Variants in SYT1 observed in about 807,000 individuals in gnomAD.
The protein encoded by SYT1 is synaptotagmin 1.
In SYT1, 8 loss-of-function variants were observed where a neutral mutation model predicts 44.8. That is an observed-to-expected ratio of 0.18 (90% CI 0.10 to 0.32). SYT1 has a LOEUF of 0.32. SYT1 is among the 10% of genes least tolerant of loss of function. SYT1 has a pLI of 1.00. For synonymous variants in SYT1, 154 were observed against 188.8 expected (o/e 0.82, Z 1.51); for missense variants, 286 against 509.3 (o/e 0.56, Z 4.22).
At chr12:79,173,204 C>G (rs1039966962) in intron 3 of SYT1, among the ~76,000 whole-genome samples, 1 of 151,876 alleles carries the variant, frequency 6.6e-6, no homozygotes, top group African/African-American at 2.4e-5. Context: ...ATGTGTATCC[C>G]CAATTTGGTT....
At chr12:79,427,882 T>C (rs1199892603) in intron 9 of SYT1, among the ~76,000 whole-genome samples, 1 of 152,250 alleles carries the variant, frequency 6.6e-6, no homozygotes, top group Non-Finnish European at 1.5e-5. Flanking sequence ...CAGACATGTC[T>C]GCATTTAACT....
chr12:79,398,178 C>A (rs1884942690), intron 9 of SYT1, among the ~76,000 whole-genome samples: 1 of 152,116 alleles, frequency 6.6e-6, no homozygotes, highest in Non-Finnish European at 1.5e-5. Context: ...GGTAGGAGGG[C>A]TCTTGCTGTA....
At chr12:79,182,089 T>C (rs1872580819) in intron 3 of SYT1, among the ~76,000 whole-genome samples, 1 of 152,126 alleles carries the variant, frequency 6.6e-6, no homozygotes, top group Admixed American at 6.6e-5. Context: ...TACTTTGTCT[T>C]TGTCCTTTCA....
chr12:79,285,473 A>G (rs552221692), intron 4 of SYT1, among the ~76,000 whole-genome samples: 6 of 152,328 alleles, frequency 3.9e-5, no homozygotes, highest in East Asian at 1.9e-4. Context: ...TTTAAACTCA[A>G]TGGCTGAACT....
chr12:79,352,166 A>C (rs1882932653), intron 8 of SYT1, among the ~76,000 whole-genome samples: 1 of 150,562 alleles, frequency 6.6e-6, no homozygotes, highest in Non-Finnish European at 1.5e-5. Flanking sequence ...TCTCTTTTGA[A>C]AAATGGATAT....
intron 1 of SYT1, among the ~76,000 whole-genome samples, chr12:78,866,143 A>G (rs1209072001): frequency 6.6e-6 from 1 of 152,136 alleles, no homozygotes; most frequent in African/African-American, 2.4e-5. Flanking sequence ...AAATAAAGCA[A>G]CTGTTTAACT....
In SYT1 at chr12:79,019,146, G is replaced by A. The variant is rs866584328; in HGVS notation, c.-83-28151G>A. Among the ~76,000 whole-genome samples, 9 of 151,944 alleles carry A rather than the reference G, an allele frequency of 5.9e-5. 1 individual carries two copies. The highest frequency in any genetic ancestry group is 1.9e-4 in the African/African-American group (8 of 41,482). On this transcript the variant is annotated intron_variant, in intron 2 of 10. Coordinates refer to ENST00000261205, the MANE Select transcript of SYT1 (RefSeq NM_005639.3). ...TTTGAAGTGTTGTCCTGTATCAAGG[G>A]GTCACAGATTTGCTGGCTATGGTCT...
intron 1 of SYT1, among the ~76,000 whole-genome samples, chr12:78,951,512 G>A (rs763616747): frequency 1.3e-5 from 2 of 152,086 alleles, no homozygotes; most frequent in African/African-American, 4.8e-5. Flanking sequence ...ATGAACACCA[G>A]TGTAATTTTG....
chr12:79,340,188 T>A (rs1882298342), intron 8 of SYT1, among the ~76,000 whole-genome samples: 1 of 152,176 alleles, frequency 6.6e-6, no homozygotes, highest in Non-Finnish European at 1.5e-5. Flanking sequence ...TTAAAGTAGT[T>A]TTTTCCAATT....
rs140931611 is a variant in SYT1 at position 79,027,221 on chromosome 12, T to G, written c.-83-20076T>G. Among the ~76,000 whole-genome samples, 684 of 151,692 alleles carry G rather than the reference T, an allele frequency of 4.5e-3. 5 individuals are homozygous for G. The highest frequency in any genetic ancestry group is 0.015 in the African/African-American group (635 of 41,450). On this transcript the variant is annotated intron_variant, in intron 2 of 10. Transcript: ENST00000261205. Reference sequence around the variant, plus strand: ...TTTCTCACTTTACTCTGGTTTCTGCTGAAATATCTTTCCAGAGACCCCTTT... The same window carrying G: ...TTTCTCACTTTACTCTGGTTTCTGCGGAAATATCTTTCCAGAGACCCCTTT...
At chr12:79,181,906 C>T (rs1010770832) in intron 3 of SYT1, among the ~76,000 whole-genome samples, 2 of 152,038 alleles carry the variant, frequency 1.3e-5, no homozygotes, top group Admixed American at 6.6e-5. Context: ...TCCTAGACAA[C>T]CCCACCCCTA....
chr12:79,399,289 A>ATTT (rs576684760), intron 9 of SYT1, among the ~76,000 whole-genome samples: 18,827 of 133,960 alleles, frequency 0.14, 1,518 homozygotes, highest in Middle Eastern at 0.33. Context: ...AGTAATTTGA[A>ATTT]TTTTTTTTTT....
At chr12:79,064,215 A>G (rs1354725719) in intron 3 of SYT1, among the ~76,000 whole-genome samples, 4 of 152,158 alleles carry the variant, frequency 2.6e-5, no homozygotes, top group Admixed American at 2.6e-4. Flanking sequence ...TAGGAATGAG[A>G]GAGACAGGGA....
At chr12:78,877,301 G>A (rs572022043) in intron 1 of SYT1, among the ~76,000 whole-genome samples, 3 of 151,368 alleles carry the variant, frequency 2.0e-5, no homozygotes, top group East Asian at 4.0e-4. Flanking sequence ...AAAACCACAG[G>A]ATCTCGTGAG....
chr12:79,166,065 G>A (rs192565829), intron 3 of SYT1, among the ~76,000 whole-genome samples: 91 of 151,966 alleles, frequency 6.0e-4, no homozygotes, highest in African/African-American at 2.0e-3. Flanking sequence ...TGTCAGATTC[G>A]TCAACTTGGA....
chr12:79,068,197 G>A (rs1876009429), intron 3 of SYT1, among the ~76,000 whole-genome samples: 1 of 152,118 alleles, frequency 6.6e-6, no homozygotes. Context: ...ATCTGGTTTT[G>A]TGCCAAATGG....
Position 78,924,239 on chromosome 12 carries a change from G to A in SYT1, c.-216-53560G>A, listed in dbSNP as rs528828410. Among the ~76,000 whole-genome samples, 21 of 151,886 alleles carry A rather than the reference G, an allele frequency of 1.4e-4. No individual in the cohort carries two copies. The East Asian group carries it at 1.7e-3, about 13-fold the overall frequency. ...TGTTAACTTCAATCACTTTATTATC[G>A]GGTTAAGGTGCTGTCTATCAGAATG... is the stretch of plus-strand genomic sequence containing the variant. On this transcript the variant is annotated intron_variant, in intron 1 of 10. Coordinates refer to ENST00000261205, the MANE Select transcript of SYT1 (RefSeq NM_005639.3).
At chr12:79,267,884 C>T (rs1878216926) in intron 4 of SYT1, among the ~76,000 whole-genome samples, 1 of 152,132 alleles carries the variant, frequency 6.6e-6, no homozygotes. Flanking sequence ...TCAGACATTC[C>T]AATACTGTGA....
chr12:79,203,070 A>G (rs1385455191), intron 3 of SYT1, among the ~76,000 whole-genome samples: 2 of 139,464 alleles, frequency 1.4e-5, no homozygotes, highest in Non-Finnish European at 3.1e-5. Flanking sequence ...TTCGCCTAGT[A>G]GATAATAAGC....
Sources: gnomAD v4.1 joint callset for allele counts (sites outside exome capture counted in the v4.1 genomes callset) on GRCh38, gnomAD v4.1.1 for gene constraint, MANE v1.5 for transcripts, NCBI Gene and HGNC (gene_info 2026-07-23, HGNC 2026-07-21) for gene names.